TMED3: variants seen among roughly 807,000 people sequenced by gnomAD.
TMED3 encodes the protein transmembrane emp24 domain-containing protein 3.
In TMED3, 9 loss-of-function variants were observed where a neutral mutation model predicts 15.0. The ratio of observed to expected loss-of-function variants is 0.60; its 90% CI spans 0.36 to 1.04. The LOEUF is 1.04. Ranked by LOEUF, TMED3 falls within the 50% of genes least tolerant of loss-of-function variation. The pLI is 0.01. For missense variants in TMED3, 267 were observed against 278.9 expected (o/e 0.96, Z 0.30); for synonymous variants, 117 against 121.4 (o/e 0.96, Z 0.24).
intron 2 of TMED3, among the ~76,000 whole-genome samples, chr15:79,399,992 C>A (rs1018192): frequency 0.36 from 55,476 of 152,060 alleles, 10,766 homozygotes; most frequent in Middle Eastern, 0.52. Context: ...TTGCTGTCCA[C>A]AACCCCTGTC....
At chr15:79,406,087 G>A (rs34338705) in intron 2 of TMED3, among the ~76,000 whole-genome samples, 44,607 of 152,100 alleles carry the variant, frequency 0.29, 8,322 homozygotes, top group Middle Eastern at 0.5. Flanking sequence ...TATCTATTTC[G>A]TTTTTGCGGA....
At chr15:79,330,899 T>A (rs1464704169) in intron 2 of TMED3, among the ~76,000 whole-genome samples, 2 of 152,218 alleles carry the variant, frequency 1.3e-5, no homozygotes, top group Non-Finnish European at 2.9e-5. Context: ...GCTATATTAG[T>A]ACATTCTCAC....
chr15:79,348,138 A>G (rs527399947), intron 2 of TMED3, among the ~76,000 whole-genome samples: 9 of 152,302 alleles, frequency 5.9e-5, no homozygotes, highest in South Asian at 2.1e-4. Context: ...TACATGCATT[A>G]AATCATTAAC....
intron 2 of TMED3, among the ~76,000 whole-genome samples, chr15:79,410,947 C>G (rs117397326): frequency 0.012 from 1,753 of 152,124 alleles, 75 homozygotes; most frequent in East Asian, 0.11. Context: ...TCTTTTGACC[C>G]CTGATGTCAA....
intron 2 of TMED3, among the ~76,000 whole-genome samples, chr15:79,380,249 G>T (rs1342500217): frequency 6.6e-6 from 1 of 151,852 alleles, no homozygotes; most frequent in Non-Finnish European, 1.5e-5. Context: ...TACTCGGGAG[G>T]CTGAGGCAGG....
At chr15:79,406,194 C>T (rs1893901115) in intron 2 of TMED3, among the ~76,000 whole-genome samples, 1 of 152,162 alleles carries the variant, frequency 6.6e-6, no homozygotes, top group African/African-American at 2.4e-5. Flanking sequence ...GCCATTTCAC[C>T]CAGGAGGCAG....
At chr15:79,357,464 C>CAAAAA (rs59897659) in intron 2 of TMED3, among the ~76,000 whole-genome samples, 8 of 87,664 alleles carry the variant, frequency 9.1e-5, no homozygotes, top group African/African-American at 8.5e-5. Flanking sequence ...CACCCTGCCT[C>CAAAAA]AAAAAAAAAA....
intron 2 of TMED3, among the ~76,000 whole-genome samples, chr15:79,389,907 A>G (rs1237643279): frequency 1.3e-5 from 2 of 152,174 alleles, no homozygotes; most frequent in East Asian, 3.8e-4. Context: ...GTTGGTGTAT[A>G]GAAGAGCTAC....
intron 2 of TMED3, among the ~76,000 whole-genome samples, chr15:79,391,493 A>G (rs78777027): frequency 0.11 from 17,193 of 152,182 alleles, 1,159 homozygotes; most frequent in East Asian, 0.2. Context: ...GGCCTATCAT[A>G]TGGTCTATCT....
At chr15:79,360,917 A>G (rs1207463838) in intron 2 of TMED3, among the ~76,000 whole-genome samples, 2 of 152,220 alleles carry the variant, frequency 1.3e-5, no homozygotes, top group Admixed American at 6.5e-5. Flanking sequence ...TATTGTGATC[A>G]TAACTACTGC....
In TMED3 at chr15:79,311,193, A is replaced by G; in HGVS notation, c.-57A>G. ...GGACCCGGTCGGTAGTCGTCGCCCC[A>G]GCCCGCCGGGGGCGCAGCGCCCGAG... On this transcript the variant is annotated 5_prime_UTR_variant, in exon 1 of 3. Transcript: ENST00000299705. 1 of 1,528,068 alleles carries G rather than the reference A, an allele frequency of 6.5e-7. No individual in the cohort carries two copies. The highest frequency in any genetic ancestry group is 8.7e-7 in the Non-Finnish European group (1 of 1,143,772). The allele number at this position is 1,528,068 out of a possible 1,614,324, so 94.7% of individuals were successfully genotyped here.
intron 2 of TMED3, among the ~76,000 whole-genome samples, chr15:79,315,574 G>A (rs2058737185): frequency 6.6e-6 from 1 of 152,206 alleles, no homozygotes; most frequent in African/African-American, 2.4e-5. Flanking sequence ...AAATTGGTAG[G>A]AAAAGCCTTA....
intron 2 of TMED3, among the ~76,000 whole-genome samples, chr15:79,334,212 G>A (rs915782551): frequency 1.3e-5 from 2 of 152,230 alleles, no homozygotes; most frequent in African/African-American, 4.8e-5. Context: ...ACTGAAACCA[G>A]GAAAGAGCCA....
intron 2 of TMED3, among the ~76,000 whole-genome samples, chr15:79,386,797 T>C (rs1389690040): frequency 6.6e-6 from 1 of 151,330 alleles, no homozygotes; most frequent in Non-Finnish European, 1.5e-5. Context: ...TCCACCCGTC[T>C]CAGCCTCCCA....
intron 2 of TMED3, among the ~76,000 whole-genome samples, chr15:79,343,334 G>T (rs1378079566): frequency 6.6e-6 from 1 of 152,098 alleles, no homozygotes; most frequent in Admixed American, 6.5e-5. Context: ...CAACTAATCT[G>T]TTCTCCATCT....
At chr15:79,392,568 G>A (rs1280780503) in intron 2 of TMED3, among the ~76,000 whole-genome samples, 2 of 152,204 alleles carry the variant, frequency 1.3e-5, no homozygotes, top group East Asian at 1.9e-4. Context: ...ACCTGATGAC[G>A]ATGTGCCCAG....
exon 3 of TMED3, chr15:79,411,739 G>A (rs1304124799): frequency 4.2e-6 from 2 of 473,300 alleles, no homozygotes; most frequent in Admixed American, 3.3e-5. Flanking sequence ...TGAGCTGGCA[G>A]GGAGAGTTGC....
At chr15:79,374,778 C>G (rs920212449) in intron 2 of TMED3, among the ~76,000 whole-genome samples, 3 of 152,050 alleles carry the variant, frequency 2.0e-5, no homozygotes, top group Non-Finnish European at 4.4e-5. Flanking sequence ...GCAAATGGAC[C>G]AGGGCAAACA....
chr15:79,389,752 C>A (rs1430278610), intron 2 of TMED3, among the ~76,000 whole-genome samples: 1 of 152,088 alleles, frequency 6.6e-6, no homozygotes, highest in Non-Finnish European at 1.5e-5. Flanking sequence ...TTTTTGATGT[C>A]ATCTGTGGTG....
Sources: gnomAD v4.1 joint callset for allele counts (sites outside exome capture counted in the v4.1 genomes callset) on GRCh38, gnomAD v4.1.1 for gene constraint, MANE v1.5 for transcripts, NCBI Gene and HGNC (gene_info 2026-07-23, HGNC 2026-07-21) for gene names.